PLEKHH1: variants seen among roughly 807,000 people sequenced by gnomAD.
PLEKHH1 encodes the protein pleckstrin homology, MyTH4 and FERM domain containing H1, also known as pleckstrin homology domain-containing family H member 1.
PLEKHH1 carries 104 observed loss-of-function variants against 160.0 expected under a neutral mutation model. That is an observed-to-expected ratio of 0.65 (90% CI 0.55 to 0.76). The LOEUF is 0.76. Among genes scored for constraint, PLEKHH1 ranks in the 30% least tolerant of loss-of-function variants. The pLI is 0.00. For synonymous variants in PLEKHH1, 619 were observed against 678.4 expected, an observed-to-expected ratio of 0.91 and a Z score of 1.36; for missense variants, 1,427 against 1,724.1, an observed-to-expected ratio of 0.83 and a Z score of 3.05.
intron 4 of PLEKHH1, 86 bp downstream of exon 4, chr14:67,557,504 C>A: frequency 7.8e-7 from 1 of 1,281,826 alleles, no homozygotes; most frequent in Non-Finnish European, 1.1e-6. Flanking sequence ...TCCGCTCAAG[C>A]CCTCTAGTGC....
intron 23 of PLEKHH1, 73 bp downstream of exon 23, chr14:67,581,111 C>T: frequency 1.1e-6 from 1 of 904,438 alleles, no homozygotes; most frequent in Non-Finnish European, 1.9e-6. Context: ...GCCTCCTCGA[C>T]TAGACAGCCT....
rs760730731 is a variant in PLEKHH1 at position 67,573,467 on chromosome 14, GGGAATGT to G, written c.1839+84_1839+90del. On this transcript the variant is annotated intron_variant, in intron 12 of 28. Coordinates refer to ENST00000329153, the MANE Select transcript of PLEKHH1 (RefSeq NM_020715.3). The surrounding 1 kb of genome is among the most constrained non-coding windows in gnomAD (Gnocchi z 4.8). ...ACTATGTCAGATGGGACGGAGGAGG[GGGAATGT>G]GGCCCAAGGCCAGAGGGCAAAGGTC... is the stretch of plus-strand genomic sequence containing the variant. 1.7e-5 allele frequency: 17 copies of G among 973,442 alleles called. No homozygotes were observed. Among genetic ancestry groups the G allele is most frequent in the Non-Finnish European group, 2.7e-5 (17 of 623,824 alleles). 60.3% of individuals were successfully genotyped at this position (973,442 alleles called of 1,614,324 possible).
At chr14:67,585,800 C>T in intron 27 of PLEKHH1, 146 bp downstream of exon 27, 1 of 1,023,828 alleles carries the variant, frequency 9.8e-7, no homozygotes, top group Non-Finnish European at 1.5e-6. Flanking sequence ...CTAGTCTAGA[C>T]ACTGCTTGTA....
intron 9 of PLEKHH1, chr14:67,570,348 A>G: frequency 1.0e-6 from 1 of 993,524 alleles, no homozygotes; most frequent in Non-Finnish European, 1.2e-6. Context: ...GGTATATTCC[A>G]ACTTATATTC....
chr14:67,575,523 C>A, intron 15 of PLEKHH1, 51 bp downstream of exon 15: 2 of 1,124,258 alleles, frequency 1.8e-6, no homozygotes, highest in South Asian at 1.3e-5. Flanking sequence ...CCCCGAAGCA[C>A]ATGACTGCCA....
At chr14:67,535,845 A>G (rs1179471735) in intron 1 of PLEKHH1, among the ~76,000 whole-genome samples, 3 of 152,244 alleles carry the variant, frequency 2.0e-5, no homozygotes, top group African/African-American at 7.2e-5. Context: ...GATGTGATAT[A>G]TGAAATGGCC....
rs923885397 is a variant in PLEKHH1, at chr14:67,574,740, C to T, written c.2088+337C>T. Reference sequence around the variant, plus strand: ...TAATAGTGGGAGGAAGAGGCCTGGGCGAGGTAGGTATGGCTCCTCAAAGAC... The same window carrying T: ...TAATAGTGGGAGGAAGAGGCCTGGGTGAGGTAGGTATGGCTCCTCAAAGAC... On this transcript the variant is annotated intron_variant, in intron 14 of 28. Coordinates refer to ENST00000329153, the MANE Select transcript of PLEKHH1 (RefSeq NM_020715.3). This position sits in a 1 kb window ranked among gnomAD's most constrained non-coding sequence, Gnocchi z 4.2. 1.3e-5 allele frequency among the ~76,000 whole-genome samples: 2 copies of T among 152,032 alleles called. No individual in the cohort carries two copies. The highest frequency in any genetic ancestry group is 2.1e-4 in the South Asian group (1 of 4,816).
chr14:67,577,420 T>C lies in PLEKHH1; in HGVS notation c.2574+6T>C. ...AGGCCCTCAAGCTCTTCAAGGTAAA[T>C]TGGGGTGGCGGCCAGGCCCACCGCT... is the stretch of plus-strand genomic sequence containing the variant. On this transcript the variant is annotated splice_donor_region_variant and intron_variant, in intron 18 of 28. Coordinates refer to ENST00000329153, the MANE Select transcript of PLEKHH1 (RefSeq NM_020715.3). 1.3e-6 allele frequency: 2 copies of C among 1,552,126 alleles called. No homozygotes were observed. Among genetic ancestry groups the C allele is most frequent in the Non-Finnish European group, 1.8e-6 (2 of 1,141,752 alleles).
chr14:67,548,714 G>A (rs1235733979), intron 2 of PLEKHH1, among the ~76,000 whole-genome samples: 1 of 152,070 alleles, frequency 6.6e-6, no homozygotes, highest in Non-Finnish European at 1.5e-5. Flanking sequence ...AAAGAGAGAA[G>A]AAATAATGTG....
Position 67,587,134 on chromosome 14 carries a change from C to T in PLEKHH1, c.3994C>T (p.Pro1332Ser), listed in dbSNP as rs762677155. ...YMNHCTTTVN[P>S]PTNPPGACQL... is the part of the protein sequence containing the mutation. ...GAACCATTGCACTACAACTGTGAAC[C>T]CCCCCACCAACCCACCCGGAGCCTG... Residue 1332 changes from proline (P) to serine (S), a missense_variant, in exon 29 of 29, where the codon CCC (proline) becomes TCC (serine). Pro to Ser is a moderately conservative substitution (Grantham distance 74). This residue lies in a region of PLEKHH1 where 96 missense variants were observed against 97.6 expected (regional missense o/e 0.98). Coordinates refer to ENST00000329153, the MANE Select transcript of PLEKHH1 (RefSeq NM_020715.3). 6.2e-7 allele frequency: 1 copy of T among 1,613,762 alleles called. No individual in the cohort carries two copies. The highest frequency in any genetic ancestry group is 1.7e-5 in the Admixed American group (1 of 59,984).
chr14:67,585,811 G>A, intron 27 of PLEKHH1, 140 bp from the exon 28 acceptor site: 1 of 1,047,982 alleles, frequency 9.5e-7, no homozygotes, highest in Non-Finnish European at 1.4e-6. Context: ...ACTGCTTGTA[G>A]ATATTCAAGA....
At chr14:67,586,773 G>A (rs1429331375) in intron 28 of PLEKHH1, 25 of 1,348,366 alleles carry the variant, frequency 1.9e-5, no homozygotes, top group Non-Finnish European at 2.2e-5. Flanking sequence ...AGGATCTCCA[G>A]ATCCCTTTCT....
Position 67,585,915 on chromosome 14 carries a change from A to G in PLEKHH1, c.3787-36A>G. 4 of 1,589,200 alleles carry G rather than the reference A, an allele frequency of 2.5e-6. No homozygotes were observed. In the African/African-American group the frequency reaches 4.0e-5, roughly 16 times the overall value. On this transcript the variant is annotated intron_variant, in intron 27 of 28. Coordinates refer to ENST00000329153, the MANE Select transcript of PLEKHH1 (RefSeq NM_020715.3). The stretch of plus-strand genomic sequence containing the variant: ...GGTTCCTAGCTCAGGGGACAGGTGG[A>G]AAGTTTCCCCACAACTGACTGGTTC...
Position 67,573,840 on chromosome 14 carries a change from A to C in PLEKHH1, c.1879A>C (p.Asn627His). 6.2e-7 allele frequency: 1 copy of C among 1,613,794 alleles called. No homozygotes were observed. Among genetic ancestry groups the C allele is most frequent in the Non-Finnish European group, 8.5e-7 (1 of 1,179,704 alleles). The change falls in exon 13 of 29, where the codon AAC (asparagine) becomes CAC (histidine). Residue 627 changes from asparagine (N) to histidine (H), a missense_variant. Asn to His is a moderately conservative substitution (Grantham distance 68). Transcript: ENST00000329153. The surrounding 1 kb of genome is among the most constrained non-coding windows in gnomAD (Gnocchi z 4.8). ...IRKPQGQVDL[N>H]SRCQIVRGEG... The stretch of plus-strand genomic sequence containing the variant: ...GAAACCTCAAGGCCAAGTGGATCTG[A>C]ACTCCCGCTGCCAAATTGTTCGAGG...
chr14:67,550,173 T>A lies in PLEKHH1; in HGVS notation c.127-5652T>A, dbSNP rs200780913. ...GATCTGTTGCTAAAAAAAAAAAAAATTGAAAACCATTGTCTTTATATTTTT... is the reference window on the plus strand; with the variant it reads ...GATCTGTTGCTAAAAAAAAAAAAAAATGAAAACCATTGTCTTTATATTTTT... On this transcript the variant is annotated intron_variant, in intron 2 of 28. Coordinates refer to ENST00000329153, the MANE Select transcript of PLEKHH1 (RefSeq NM_020715.3). 7.2e-5 allele frequency among the ~76,000 whole-genome samples: 8 copies of A among 111,366 alleles called. No individual in the cohort carries two copies. In the South Asian group the frequency reaches 1.4e-3, roughly 20 times the overall value. 73.1% of individuals were successfully genotyped at this position (111,366 alleles called of 152,430 possible).
At position 67,562,788 on chromosome 14, in the gene PLEKHH1, G is replaced by A. The variant is rs2034903132; in HGVS notation, c.1157G>A (p.Gly386Glu). Residue 386 changes from glycine (G) to glutamate (E), a missense_variant, in exon 7 of 29, where the codon GGG (glycine) becomes GAG (glutamate). By Grantham distance (98) the Gly-to-Glu change is moderately conservative. Transcript: ENST00000329153. Reference protein sequence around the residue: ...KMEMEEPPPAGKNEERESPKA... With the variant: ...KMEMEEPPPAEKNEERESPKA... The stretch of plus-strand genomic sequence containing the variant: ...GAGATGGAGGAGCCACCCCCAGCAG[G>A]GAAGAATGAGGAAAGAGAGAGCCCA... 6.2e-7 allele frequency: 1 copy of A among 1,613,776 alleles called. No homozygotes were observed. Among genetic ancestry groups the A allele is most frequent in the Non-Finnish European group, 8.5e-7 (1 of 1,179,776 alleles).
intron 4 of PLEKHH1, among the ~76,000 whole-genome samples, chr14:67,559,231 C>A (rs540548003): frequency 6.6e-6 from 1 of 151,686 alleles, no homozygotes; most frequent in African/African-American, 2.4e-5. Flanking sequence ...GTAACACATG[C>A]TTATAGTTAA....
chr14:67,585,967 A>T lies in PLEKHH1; in HGVS notation c.3803A>T (p.Tyr1268Phe), dbSNP rs931935171. 25 of 1,613,272 alleles carry T rather than the reference A, an allele frequency of 1.5e-5. No homozygotes were observed. The highest frequency in any genetic ancestry group is 2.1e-5 in the Non-Finnish European group (25 of 1,179,616). ...TTTCCACAGCAAGTGCACATCACTT[A>T]CCCCTACTCTTCAGTGACAACGTTT... ...DHNTMQVHIT[Y>F]PYSSVTTFGG... Residue 1268 changes from tyrosine (Y) to phenylalanine (F), a missense_variant, in exon 28 of 29, where the codon TAC (tyrosine) becomes TTC (phenylalanine). Around this residue, in one of 6 missense-constraint regions of PLEKHH1, gnomAD observed 56 missense variants for 53.0 expected, o/e 1.06. Coordinates refer to ENST00000329153, the MANE Select transcript of PLEKHH1 (RefSeq NM_020715.3).
chr14:67,570,257 T>C, intron 9 of PLEKHH1: 4 of 851,546 alleles, frequency 4.7e-6, no homozygotes, highest in Non-Finnish European at 5.7e-6. Flanking sequence ...ATGCCCGCTT[T>C]ACAGCTCTCC....
Sources: gnomAD v4.1 joint callset for allele counts (sites outside exome capture counted in the v4.1 genomes callset) on GRCh38, gnomAD v4.1.1 for gene constraint, gnomAD v4.1.1 regional missense constraint, Gnocchi (gnomAD v3.1) non-coding constraint, MANE v1.5 for transcripts, NCBI Gene and HGNC (gene_info 2026-07-23, HGNC 2026-07-21) for gene names.